The following KCNK13 variants were observed in gnomAD, a reference collection of about 807,000 sequenced individuals.
The protein encoded by KCNK13 is potassium channel subfamily K member 13.
A neutral mutation model predicts 23.4 loss-of-function variants in KCNK13; 12 were observed. The ratio of observed to expected loss-of-function variants is 0.51; its 90% confidence interval spans 0.33 to 0.83. The LOEUF is 0.83. KCNK13 is among the 40% of genes least tolerant of loss of function. The pLI is 0.02. For synonymous variants in KCNK13, 231 were observed against 229.5 expected (o/e 1.01, Z -0.06); for missense variants, 463 against 556.3 (o/e 0.83, Z 1.69).
chr14:90,153,201 C>T (rs1303813997), intron 1 of KCNK13, among the ~76,000 whole-genome samples: 1 of 152,148 alleles, frequency 6.6e-6, no homozygotes, highest in African/African-American at 2.4e-5. Context: ...CTTCCCAGAC[C>T]CTAGTCAGAA....
chr14:90,149,593 T>A (rs1890112067), intron 1 of KCNK13, among the ~76,000 whole-genome samples: 1 of 151,988 alleles, frequency 6.6e-6, no homozygotes, highest in Admixed American at 6.6e-5. Flanking sequence ...TCCCACCAAG[T>A]CCCTCCCACA....
At chr14:90,154,754 C>T (rs1384233236) in intron 1 of KCNK13, among the ~76,000 whole-genome samples, 4 of 152,164 alleles carry the variant, frequency 2.6e-5, no homozygotes, top group Non-Finnish European at 5.9e-5. Context: ...TAGATAATTT[C>T]AAAATTTTCC....
intron 1 of KCNK13, among the ~76,000 whole-genome samples, chr14:90,161,113 C>G (rs1890248590): frequency 6.6e-6 from 1 of 151,994 alleles, no homozygotes. Flanking sequence ...GTTATGCAGC[C>G]ATAAGAAGGA....
Position 90,131,719 on chromosome 14 carries a change from G to A in KCNK13, c.335-52392G>A, listed in dbSNP as rs943720345. Among the ~76,000 whole-genome samples, 4 of 152,326 alleles carry A rather than the reference G, an allele frequency of 2.6e-5. No homozygotes were observed. In the South Asian group the frequency reaches 8.3e-4, roughly 32 times the overall value. On this transcript the variant is annotated intron_variant, in intron 1 of 1. Coordinates refer to ENST00000282146, the MANE Select transcript of KCNK13 (RefSeq NM_022054.4). ...ATGTTTTGTAGATTTTGTAGAGGCAGGGTATTGCCCAGGCTGAGGATAGCT... is the reference window on the plus strand; with the variant it reads ...ATGTTTTGTAGATTTTGTAGAGGCAAGGTATTGCCCAGGCTGAGGATAGCT...
At chr14:90,064,948 C>T (rs1442037576) in intron 1 of KCNK13, among the ~76,000 whole-genome samples, 1 of 152,100 alleles carries the variant, frequency 6.6e-6, no homozygotes, top group Non-Finnish European at 1.5e-5. Flanking sequence ...CAACACAACT[C>T]CATGAGGTAG....
At chr14:90,114,389 C>G (rs992578098) in intron 1 of KCNK13, among the ~76,000 whole-genome samples, 1 of 152,172 alleles carries the variant, frequency 6.6e-6, no homozygotes, top group African/African-American at 2.4e-5. Context: ...CTACTGACAT[C>G]TCGTTGACAC....
intron 1 of KCNK13, among the ~76,000 whole-genome samples, chr14:90,169,530 C>T (rs1348750398): frequency 2.0e-5 from 3 of 152,170 alleles, no homozygotes; most frequent in Non-Finnish European, 2.9e-5. Context: ...ACATGAGAAA[C>T]GAGGATTTCC....
At chr14:90,104,946 T>C (rs955730300) in intron 1 of KCNK13, among the ~76,000 whole-genome samples, 3 of 90,828 alleles carry the variant, frequency 3.3e-5, no homozygotes, top group African/African-American at 1.3e-4. Flanking sequence ...TGCACCACCA[T>C]GCCTGGCTAA....
intron 1 of KCNK13, among the ~76,000 whole-genome samples, chr14:90,073,057 A>G (rs1463608014): frequency 6.6e-6 from 1 of 152,160 alleles, no homozygotes; most frequent in Non-Finnish European, 1.5e-5. Flanking sequence ...GCAGTGTGGC[A>G]TCTCCCTTCA....
chr14:90,062,016 A>G lies in KCNK13; in HGVS notation c.-190A>G. On this transcript the variant is annotated 5_prime_UTR_variant, in exon 1 of 2. Transcript: ENST00000282146. The surrounding 1 kb of genome is among the most constrained non-coding windows in gnomAD (Gnocchi z 4.5). ...AAGGAGGACGTGGGGAGCTGGCGCCACAGGAGCTACCGAGGCGGCGGCCGG... is the reference window on the plus strand; with the variant it reads ...AAGGAGGACGTGGGGAGCTGGCGCCGCAGGAGCTACCGAGGCGGCGGCCGG... 2.0e-5 allele frequency: 8 copies of G among 400,760 alleles called. No homozygotes were observed. Among genetic ancestry groups the G allele is most frequent in the Non-Finnish European group, 3.5e-5 (8 of 230,236 alleles). 24.8% of individuals were successfully genotyped at this position (400,760 alleles called of 1,614,324 possible).
chr14:90,087,742 G>C (rs1889297984), intron 1 of KCNK13, among the ~76,000 whole-genome samples: 2 of 152,164 alleles, frequency 1.3e-5, no homozygotes, highest in South Asian at 4.1e-4. Context: ...AGCAGTGGGG[G>C]AAGAAGCAAG....
chr14:90,162,156 G>C (rs191764456), intron 1 of KCNK13, among the ~76,000 whole-genome samples: 1 of 152,118 alleles, frequency 6.6e-6, no homozygotes, highest in African/African-American at 2.4e-5. Flanking sequence ...TCCACCCTGG[G>C]CAACAGAGTC....
intron 1 of KCNK13, among the ~76,000 whole-genome samples, chr14:90,063,168 C>T (rs1384168571): frequency 6.6e-6 from 1 of 152,092 alleles, no homozygotes; most frequent in Non-Finnish European, 1.5e-5. Flanking sequence ...ACTGAAAGCG[C>T]GGTTGCACTC....
chr14:90,116,709 AG>A (rs1430577313), intron 1 of KCNK13, among the ~76,000 whole-genome samples: 2 of 152,312 alleles, frequency 1.3e-5, no homozygotes, highest in African/African-American at 4.8e-5. Context: ...CATGCACAGC[AG>A]GCAAGGTGAA....
chr14:90,114,269 C>T (rs1889648987), intron 1 of KCNK13, among the ~76,000 whole-genome samples: 1 of 152,204 alleles, frequency 6.6e-6, no homozygotes, highest in African/African-American at 2.4e-5. Context: ...AGGCTCCAGA[C>T]AGCTTCCTGT....
intron 1 of KCNK13, among the ~76,000 whole-genome samples, chr14:90,093,234 C>T (rs1036858255): frequency 3.9e-5 from 6 of 152,162 alleles, no homozygotes; most frequent in African/African-American, 1.2e-4. Context: ...CCAGGGACCA[C>T]GCTTCTTCTA....
rs181806892 is a variant in KCNK13 at position 90,123,713 on chromosome 14, C to A, written c.335-60398C>A. On this transcript the variant is annotated intron_variant, in intron 1 of 1. Coordinates refer to ENST00000282146, the MANE Select transcript of KCNK13 (RefSeq NM_022054.4). ...GTGGCATGATCATGGCTCACTGCAGCCTCAAACTCCTGAGCTCAAATGTTC... is the reference window on the plus strand; with the variant it reads ...GTGGCATGATCATGGCTCACTGCAGACTCAAACTCCTGAGCTCAAATGTTC... Among the ~76,000 whole-genome samples the A allele has an allele frequency of 2.4e-3, 367 of 152,208 alleles. 3 individuals carry two copies. The highest frequency in any genetic ancestry group is 2.4e-3 in the Non-Finnish European group (166 of 68,016).
Position 90,185,589 on chromosome 14 carries a change from C to G in KCNK13, c.*586C>G, listed in dbSNP as rs1383994896. The G allele has an allele frequency of 6.6e-6, 1 of 152,140 alleles. No individual in the cohort carries two copies. Among genetic ancestry groups the G allele is most frequent in the Non-Finnish European group, 1.5e-5 (1 of 68,054 alleles). The allele number at this position is 152,140 out of a possible 1,614,324, so 9.4% of individuals were successfully genotyped here. A position where few individuals can be genotyped will look rare whatever the true frequency, so the allele number is the denominator to read the frequency against. On this transcript the variant is annotated 3_prime_UTR_variant, in exon 2 of 2. Coordinates refer to ENST00000282146, the MANE Select transcript of KCNK13 (RefSeq NM_022054.4). ...TGTCCCTTTCTTTTTATTTTTAAGG[C>G]CTTAATGCCTGGCTGTGGCGTCTGT...
intron 1 of KCNK13, among the ~76,000 whole-genome samples, chr14:90,154,433 C>T (rs1189053032): frequency 6.6e-6 from 1 of 151,932 alleles, no homozygotes; most frequent in Non-Finnish European, 1.5e-5. Flanking sequence ...GTCTTCCACC[C>T]ATAATGCCTG....
Sources: gnomAD v4.1 joint callset for allele counts (sites outside exome capture counted in the v4.1 genomes callset) on GRCh38, gnomAD v4.1.1 for gene constraint, Gnocchi (gnomAD v3.1) non-coding constraint, MANE v1.5 for transcripts, NCBI Gene and HGNC (gene_info 2026-07-23, HGNC 2026-07-21) for gene names.